Variants in SPATA17 observed in about 807,000 individuals in gnomAD.
SPATA17 encodes the protein spermatogenesis associated 17, also known as spermatogenesis-associated protein 17.
SPATA17 carries 53 observed loss-of-function variants against 62.2 expected under a neutral mutation model. The observed-to-expected ratio is 0.85, with a 90% CI of 0.68 to 1.07. The LOEUF (loss-of-function observed/expected upper bound fraction) is 1.07, where lower values mean the gene tolerates loss of function less well. Among genes scored for constraint, SPATA17 ranks in the 50% least tolerant of loss-of-function variants. SPATA17 has a pLI of 0.00. For synonymous variants in SPATA17, 146 were observed against 146.8 expected (o/e 0.99, Z 0.04); for missense variants, 466 against 425.5 (o/e 1.10, Z -0.84).
At chr1:217,794,791 C>A (rs1028767532) in intron 8 of SPATA17, among the ~76,000 whole-genome samples, 1 of 152,180 alleles carries the variant, frequency 6.6e-6, no homozygotes, top group Non-Finnish European at 1.5e-5. Context: ...AGCTTCTCAA[C>A]AACAGAGCCC....
At chr1:217,640,675 A>G (rs947717963) in intron 1 of SPATA17, among the ~76,000 whole-genome samples, 1 of 152,146 alleles carries the variant, frequency 6.6e-6, no homozygotes, top group Non-Finnish European at 1.5e-5. Context: ...TCTATTTGCA[A>G]CTACTATGGC....
At chr1:217,781,678 G>C (rs72728853) in intron 7 of SPATA17, among the ~76,000 whole-genome samples, 4,678 of 152,082 alleles carry the variant, frequency 0.031, 105 homozygotes, top group Middle Eastern at 0.058. Context: ...TGTTTAGGAG[G>C]CTGCCTATTA....
chr1:217,796,860 A>G (rs571477302), intron 8 of SPATA17, among the ~76,000 whole-genome samples: 1 of 152,268 alleles, frequency 6.6e-6, no homozygotes, highest in South Asian at 2.1e-4. Context: ...TTTATTTTTC[A>G]TGTTGAAGGT....
At chr1:217,786,750 T>TTTCTTCCTCTTCTTC (rs1673874241) in intron 8 of SPATA17, among the ~76,000 whole-genome samples, 3 of 107,550 alleles carry the variant, frequency 2.8e-5, no homozygotes, top group South Asian at 3.7e-4. Flanking sequence ...TGATATTCTC[T>TTTCTTCCTCTTCTTC]TTCTTCTTCT....
intron 5 of SPATA17, among the ~76,000 whole-genome samples, chr1:217,703,689 G>A (rs571867050): frequency 7.2e-5 from 11 of 152,054 alleles, no homozygotes; most frequent in South Asian, 6.2e-4. Flanking sequence ...TTCTTGTTTA[G>A]GAATTCATGT....
chr1:217,731,548 G>C (rs952104257), intron 5 of SPATA17, among the ~76,000 whole-genome samples: 5 of 152,064 alleles, frequency 3.3e-5, no homozygotes, highest in African/African-American at 1.2e-4. Flanking sequence ...CTCCTCATAA[G>C]TCTGTTCTCC....
chr1:217,698,326 C>T (rs879778483), intron 5 of SPATA17, among the ~76,000 whole-genome samples: 8 of 151,810 alleles, frequency 5.3e-5, no homozygotes, highest in Non-Finnish European at 7.4e-5. Context: ...CCCAGCTGCT[C>T]GGGAGGCTGA....
In SPATA17 at chr1:217,631,447, G is replaced by C; in HGVS notation, c.68+1G>C. 1.2e-6 allele frequency: 2 copies of C among 1,614,134 alleles called. No homozygotes were observed. Among genetic ancestry groups the C allele is most frequent in the African/African-American group, 2.7e-5 (2 of 75,022 alleles). ...GAAATCAGTACTACTTTAGGAACAGGTAAGTCAGGAAGAGAAGGATCGCGT... is the reference window on the plus strand; with the variant it reads ...GAAATCAGTACTACTTTAGGAACAGCTAAGTCAGGAAGAGAAGGATCGCGT... On this transcript the variant is annotated splice_donor_variant, in intron 1 of 10. Coordinates refer to ENST00000366933, the MANE Select transcript of SPATA17 (RefSeq NM_138796.4). LOFTEE classifies it high-confidence loss of function.
intron 9 of SPATA17, among the ~76,000 whole-genome samples, chr1:217,844,078 G>A (rs1297861964): frequency 2.0e-5 from 3 of 152,088 alleles, no homozygotes; most frequent in Admixed American, 6.6e-5. Context: ...TTAGTCTGAC[G>A]CAGTTTCGTA....
chr1:217,832,507 A>T (rs1459629412), intron 9 of SPATA17, among the ~76,000 whole-genome samples: 2 of 152,166 alleles, frequency 1.3e-5, no homozygotes. Flanking sequence ...TCAGGTATCA[A>T]ATGTTAAGCA....
In SPATA17 at chr1:217,683,279, T is replaced by C; in HGVS notation, c.313T>C (p.Tyr105His). Residue 105 changes from tyrosine (Y) to histidine (H), a missense_variant, in exon 5 of 11, where the codon TAT becomes CAT. Transcript: ENST00000366933. The stretch of plus-strand genomic sequence containing the variant: ...ATAGATTCAGAGACGATGGCGAGGC[T>C]ATAGGGTTCGGAAGTACCTCTTTAA... ...AVRIQRRWRG[Y>H]RVRKYLFNYY... The C allele has an allele frequency of 6.2e-7, 1 of 1,608,754 alleles. No homozygotes were observed. Among genetic ancestry groups the C allele is most frequent in the Non-Finnish European group, 8.5e-7 (1 of 1,177,362 alleles).
At chr1:217,720,409 TC>T (rs1672098156) in intron 5 of SPATA17, among the ~76,000 whole-genome samples, 1 of 152,202 alleles carries the variant, frequency 6.6e-6, no homozygotes, top group African/African-American at 2.4e-5. Flanking sequence ...CAATATGACT[TC>T]ATTTTGAGCA....
intron 3 of SPATA17, among the ~76,000 whole-genome samples, chr1:217,655,436 G>A (rs1030020932): frequency 8.5e-5 from 13 of 152,106 alleles, no homozygotes; most frequent in African/African-American, 1.7e-4. Context: ...AGTGTCTCTC[G>A]GGTTTCTACA....
intron 9 of SPATA17, among the ~76,000 whole-genome samples, chr1:217,837,377 T>C (rs1675284714): frequency 6.6e-6 from 1 of 152,068 alleles, no homozygotes; most frequent in Non-Finnish European, 1.5e-5. Flanking sequence ...TGGACAGTAA[T>C]ACTGGGGTTC....
intron 5 of SPATA17, among the ~76,000 whole-genome samples, chr1:217,690,137 G>A (rs115158623): frequency 2.9e-4 from 44 of 152,078 alleles, no homozygotes; most frequent in South Asian, 6.2e-4. Context: ...TCCTGACCTC[G>A]GGTTATCTAC....
intron 1 of SPATA17, among the ~76,000 whole-genome samples, chr1:217,642,957 AAG>A (rs1670098784): frequency 6.6e-6 from 1 of 152,130 alleles, no homozygotes; most frequent in Non-Finnish European, 1.5e-5. Context: ...CATTTTTCCA[AAG>A]AGCCTTTGTT....
chr1:217,820,848 G>T (rs893261531), intron 9 of SPATA17, among the ~76,000 whole-genome samples: 1 of 143,252 alleles, frequency 7.0e-6, no homozygotes, highest in Non-Finnish European at 1.5e-5. Context: ...ACCTGAAGCC[G>T]GGTAGTTTTT....
At chr1:217,807,417 A>T (rs975272898) in intron 9 of SPATA17, among the ~76,000 whole-genome samples, 1 of 152,184 alleles carries the variant, frequency 6.6e-6, no homozygotes, top group African/African-American at 2.4e-5. Flanking sequence ...ATGAAAAAAA[A>T]ATCACATATA....
At chr1:217,718,785 G>A (rs1672062263) in intron 5 of SPATA17, among the ~76,000 whole-genome samples, 1 of 152,132 alleles carries the variant, frequency 6.6e-6, no homozygotes, top group African/African-American at 2.4e-5. Context: ...AACAATTAGT[G>A]AATTGTTGCC....
Sources: gnomAD v4.1 joint callset for allele counts (sites outside exome capture counted in the v4.1 genomes callset) on GRCh38, gnomAD v4.1.1 for gene constraint, MANE v1.5 for transcripts, NCBI Gene and HGNC (gene_info 2026-07-23, HGNC 2026-07-21) for gene names.